MIA2: variants seen among roughly 807,000 people sequenced by gnomAD.
The protein encoded by MIA2 is MIA SH3 domain ER export factor 2, also known as melanoma inhibitory activity protein 2.
A neutral mutation model predicts 167.8 loss-of-function variants in MIA2; 127 were observed. That is an observed-to-expected ratio of 0.76 (90% CI 0.66 to 0.88). MIA2 has a LOEUF of 0.88. MIA2 is among the 40% of genes least tolerant of loss of function. MIA2 has a pLI of 0.00. For missense variants in MIA2, 1,690 were observed against 1,624.7 expected (o/e 1.04, Z -0.69); for synonymous variants, 552 against 541.9 (o/e 1.02, Z -0.26).
intron 25 of MIA2, among the ~76,000 whole-genome samples, chr14:39,338,210 A>G (rs2070894595): frequency 6.6e-6 from 1 of 152,214 alleles, no homozygotes; most frequent in Non-Finnish European, 1.5e-5. Context: ...CATATGCTGT[A>G]AAATGTCATA....
rs748775088 is a variant in MIA2, at chr14:39,308,436, A to G, written c.2879-13A>G. 3 of 1,441,556 alleles carry G rather than the reference A, an allele frequency of 2.1e-6. No homozygotes were observed. Among genetic ancestry groups the G allele is most frequent in the Admixed American group, 2.5e-5 (1 of 39,354 alleles). The allele number at this position is 1,441,556 out of a possible 1,614,324, so 89.3% of individuals were successfully genotyped here. A position where few individuals can be genotyped will look rare whatever the true frequency, so the allele number is the denominator to read the frequency against. On this transcript the variant is annotated splice_polypyrimidine_tract_variant and intron_variant, in intron 17 of 28. Coordinates refer to ENST00000640607, the MANE Select transcript of MIA2 (RefSeq NM_001329214.4). Reference sequence around the variant, plus strand: ...TGTTTCTCCTTTAATTATGACTTAAAATTTTTATATAGAGCATATTAAAAA... The same window carrying G: ...TGTTTCTCCTTTAATTATGACTTAAGATTTTTATATAGAGCATATTAAAAA...
In MIA2 at chr14:39,322,227, T is replaced by C. The variant is rs1225739782; in HGVS notation, c.3496+1171T>C. Among the ~76,000 whole-genome samples, 8 of 152,116 alleles carry C rather than the reference T, an allele frequency of 5.3e-5. No homozygotes were observed. In the East Asian group the frequency reaches 1.5e-3, roughly 29 times the overall value. The stretch of plus-strand genomic sequence containing the variant: ...TAGGCAGATTTTTGATGGGAACCTT[T>C]ACTGTGGTCTGCATCATTTGTTAAC... On this transcript the variant is annotated intron_variant, in intron 24 of 28. Transcript: ENST00000640607.
At chr14:39,288,471 A>ATTTTTTTTTTTTT (rs1428823924) in intron 9 of MIA2, among the ~76,000 whole-genome samples, 1 of 51,654 alleles carries the variant, frequency 1.9e-5, no homozygotes, top group Non-Finnish European at 3.0e-5. Flanking sequence ...ATATATATAT[A>ATTTTTTTTTTTTT]TATATTTTTT....
At chr14:39,355,539 T>G (rs1294385319), downstream of MIA2, among the ~76,000 whole-genome samples, 2 of 152,118 alleles carry the variant, frequency 1.3e-5, no homozygotes, top group Non-Finnish European at 2.9e-5. Context: ...TTGAATGCCC[T>G]TTATTTCCTT....
At chr14:39,238,604 G>C (rs2053877854) in intron 2 of MIA2, among the ~76,000 whole-genome samples, 1 of 151,862 alleles carries the variant, frequency 6.6e-6, no homozygotes. Context: ...AGACCAGCTT[G>C]GACAACATGG....
At chr14:39,267,297 GCCCCT>G (rs1178824318) in intron 6 of MIA2, 3 of 1,466,208 alleles carry the variant, frequency 2.0e-6, no homozygotes, top group African/African-American at 2.9e-5. Flanking sequence ...GCCTGCGGGT[GCCCCT>G]GTCCCCCAGC....
At position 39,304,486 on chromosome 14, in the gene MIA2, A is replaced by AT. The variant is rs1407895996; in HGVS notation, c.2878+114dup. 583 of 595,594 alleles carry AT rather than the reference A, an allele frequency of 9.8e-4. 2 individuals are homozygous for AT. The highest frequency in any genetic ancestry group is 8.5e-4 in the South Asian group (28 of 32,790). The allele number at this position is 595,594 out of a possible 1,614,324, so 36.9% of individuals were successfully genotyped here. On this transcript the variant is annotated intron_variant, in intron 17 of 28. Transcript: ENST00000640607. The stretch of plus-strand genomic sequence containing the variant: ...ATTAACTTTGGGAAGATCCAATTTT[A>AT]TTTTTTTTTAACTTTTGTTCCTGTT...
chr14:39,281,757 G>A (rs891279337), intron 9 of MIA2, among the ~76,000 whole-genome samples: 1 of 151,730 alleles, frequency 6.6e-6, no homozygotes, highest in Admixed American at 6.6e-5. Flanking sequence ...AAGTAGCTGG[G>A]ACTACAGGCA....
intron 6 of MIA2, chr14:39,268,924 A>T: frequency 3.7e-6 from 3 of 821,606 alleles, no homozygotes; most frequent in Non-Finnish European, 4.4e-6. Context: ...AGAGAAGCAT[A>T]TTTCCCTTTC....
chr14:39,323,987 G>C (rs1440863490), intron 24 of MIA2, among the ~76,000 whole-genome samples: 1 of 152,180 alleles, frequency 6.6e-6, no homozygotes, highest in Non-Finnish European at 1.5e-5. Context: ...CACCAAAGGA[G>C]GATGGAGAGT....
intron 9 of MIA2, among the ~76,000 whole-genome samples, chr14:39,290,746 A>G (rs1313522083): frequency 6.6e-6 from 1 of 152,230 alleles, no homozygotes; most frequent in Non-Finnish European, 1.5e-5. Context: ...AGATGCTAAT[A>G]TGAGTTATAG....
intron 10 of MIA2, among the ~76,000 whole-genome samples, chr14:39,292,869 T>C (rs1031111529): frequency 6.6e-6 from 1 of 152,232 alleles, no homozygotes; most frequent in African/African-American, 2.4e-5. Flanking sequence ...CCTTTAATTG[T>C]ATTAAATTGG....
rs1431758016 is a variant in MIA2, at chr14:39,317,224, G to T, written c.3217-720G>T. Among the ~76,000 whole-genome samples, 4 of 152,120 alleles carry T rather than the reference G, an allele frequency of 2.6e-5. No homozygotes were observed. In the East Asian group the frequency reaches 7.7e-4, roughly 29 times the overall value. ...CACTTGGGAGAAGCTCCACAGACAA[G>T]GTGTGTTTTTAGCTGAATTGGGATT... is the stretch of plus-strand genomic sequence containing the variant. On this transcript the variant is annotated intron_variant, in intron 21 of 28. Coordinates refer to ENST00000640607, the MANE Select transcript of MIA2 (RefSeq NM_001329214.4).
chr14:39,279,562 T>C, intron 9 of MIA2, 25 bp downstream of exon 9: 1 of 1,471,722 alleles, frequency 6.8e-7, no homozygotes, highest in South Asian at 1.2e-5. Flanking sequence ...AAAATAATAT[T>C]CATGTTAGAG....
intron 9 of MIA2, among the ~76,000 whole-genome samples, chr14:39,288,447 A>ATTTTTTTTTT: frequency 2.2e-4 from 1 of 4,576 alleles, no homozygotes; most frequent in Admixed American, 1.4e-3. Context: ...ATATATATAT[A>ATTTTTTTTTT]TATATATATA....
chr14:39,356,751 A>G (rs74795024), intron 23 of MIA2, among the ~76,000 whole-genome samples: 46,885 of 151,914 alleles, frequency 0.31, 7,743 homozygotes, highest in East Asian at 0.51. Context: ...GGTATGTTGT[A>G]TCTTTGTTCT....
At chr14:39,385,123 A>G (rs541038858) in intron 23 of MIA2, among the ~76,000 whole-genome samples, 8 of 152,248 alleles carry the variant, frequency 5.3e-5, no homozygotes, top group African/African-American at 1.9e-4. Flanking sequence ...CAAAACATCT[A>G]AAAAAAGAAG....
intron 14 of MIA2, among the ~76,000 whole-genome samples, chr14:39,300,551 TAC>T (rs2062225332): frequency 6.6e-6 from 1 of 151,752 alleles, no homozygotes; most frequent in African/African-American, 2.4e-5. Flanking sequence ...TTCTATAATT[TAC>T]ACAGTGATGT....
At chr14:39,378,960 T>G (rs895243307) in intron 23 of MIA2, among the ~76,000 whole-genome samples, 1 of 152,222 alleles carries the variant, frequency 6.6e-6, no homozygotes, top group Non-Finnish European at 1.5e-5. Context: ...TGATAAGATT[T>G]TGTTTAAAAG....
Sources: allele counts gnomAD v4.1 joint callset (sites outside exome capture counted in the v4.1 genomes callset), GRCh38; gene constraint gnomAD v4.1.1; transcripts MANE v1.5; gene names NCBI Gene and HGNC (gene_info 2026-07-23, HGNC 2026-07-21).